Variants in HCN1 observed in about 807,000 individuals in gnomAD.
HCN1 encodes the protein potassium/sodium hyperpolarization-activated cyclic nucleotide-gated channel 1.
A neutral mutation model predicts 78.9 loss-of-function variants in HCN1; 13 were observed. The observed-to-expected ratio is 0.16, with a 90% CI of 0.11 to 0.26. The LOEUF (loss-of-function observed/expected upper bound fraction) is 0.26. HCN1 is among the 10% of genes least tolerant of loss of function. The pLI is 1.00. For missense variants in HCN1, 810 were observed against 1,154.3 expected (o/e 0.70, Z 4.32); for synonymous variants, 552 against 455.5 (o/e 1.21, Z -2.70).
chr5:45,371,846 A>AAT (rs1358531681), intron 4 of HCN1, among the ~76,000 whole-genome samples: 1 of 128,632 alleles, frequency 7.8e-6, no homozygotes, highest in African/African-American at 2.9e-5. Context: ...TTATATATAA[A>AAT]ATATATATAA....
intron 5 of HCN1, among the ~76,000 whole-genome samples, chr5:45,315,005 C>T (rs754799850): frequency 3.9e-5 from 6 of 152,194 alleles, no homozygotes; most frequent in Middle Eastern, 3.4e-3. Flanking sequence ...GACAGATCAA[C>T]GAGACAGAAA....
chr5:45,255,006 G>A lies in HCN1; in HGVS notation c.*6915C>T, dbSNP rs1397941206. 3 of 152,220 alleles carry A rather than the reference G, an allele frequency of 2.0e-5. No individual in the cohort carries two copies. The highest frequency in any genetic ancestry group is 7.2e-5 in the African/African-American group (3 of 41,468). The allele number at this position is 152,220 out of a possible 1,614,324, so 9.4% of individuals were successfully genotyped here. A position where few individuals can be genotyped will look rare whatever the true frequency, so the allele number is the denominator to read the frequency against. On this transcript the variant is annotated 3_prime_UTR_variant, in exon 8 of 8. Coordinates refer to ENST00000303230, the MANE Select transcript of HCN1 (RefSeq NM_021072.4). ...ATGTATTATTGATAGCATTAAAAAT[G>A]TTACAGAAGGCAATGGACACATTGT...
In HCN1 at chr5:45,398,319, C is replaced by T. The variant is rs141907303; in HGVS notation, c.1012-1609G>A. Among the ~76,000 whole-genome samples the T allele has an allele frequency of 3.2e-4, 48 of 152,194 alleles. 1 individual carries two copies. In the East Asian group the frequency reaches 7.1e-3, roughly 23 times the overall value. On this transcript the variant is annotated intron_variant, in intron 3 of 7. Transcript: ENST00000303230. ...AGAGAGATTCTATGTACTCTTCACT[C>T]AGCTTCCCCAGAGGTAACATGCTGC... is the stretch of plus-strand genomic sequence containing the variant.
At chr5:45,393,687 C>T (rs1221436444) in intron 4 of HCN1, among the ~76,000 whole-genome samples, 1 of 152,090 alleles carries the variant, frequency 6.6e-6, no homozygotes, top group Non-Finnish European at 1.5e-5. Flanking sequence ...CTTATTTGAC[C>T]AGGGCATTGT....
chr5:45,534,404 CAAAAAAAAAAAAAAAAAAAAAAAAAA>C (rs71000637), intron 2 of HCN1, among the ~76,000 whole-genome samples: 3 of 29,298 alleles, frequency 1.0e-4, no homozygotes, highest in African/African-American at 3.4e-4. Flanking sequence ...GACTGCATCT[CAAAAAAAAAAAAAAAAAAAAAAAAAA>C]AAAAAAAAAA....
At chr5:45,693,245 T>G (rs1365557397) in intron 1 of HCN1, among the ~76,000 whole-genome samples, 1 of 152,226 alleles carries the variant, frequency 6.6e-6, no homozygotes, top group Non-Finnish European at 1.5e-5. Context: ...ATATTGGTTT[T>G]GAGATCATAC....
intron 2 of HCN1, among the ~76,000 whole-genome samples, chr5:45,505,148 T>A (rs545613729): frequency 6.6e-6 from 1 of 152,190 alleles, no homozygotes; most frequent in African/African-American, 2.4e-5. Flanking sequence ...GCCATTGCTT[T>A]TGGTGTTTTA....
At chr5:45,642,239 A>G (rs1252144073) in intron 2 of HCN1, 1 of 152,118 alleles carries the variant, frequency 6.6e-6, no homozygotes, top group Non-Finnish European at 1.5e-5. Context: ...TGGTTCATGA[A>G]AACAACTTCC....
chr5:45,288,237 A>T (rs1745306184), intron 6 of HCN1, among the ~76,000 whole-genome samples: 1 of 152,072 alleles, frequency 6.6e-6, no homozygotes, highest in African/African-American at 2.4e-5. Flanking sequence ...CGGAGCATGA[A>T]TCATCACAAA....
chr5:45,580,060 C>A (rs1379674201), intron 2 of HCN1, among the ~76,000 whole-genome samples: 2 of 152,168 alleles, frequency 1.3e-5, no homozygotes, highest in East Asian at 3.9e-4. Context: ...CCGCTGAGAC[C>A]TTCAAGGATT....
intron 6 of HCN1, among the ~76,000 whole-genome samples, chr5:45,288,671 TAGAA>T (rs1205631744): frequency 1.3e-5 from 2 of 152,040 alleles, no homozygotes; most frequent in Non-Finnish European, 2.9e-5. Context: ...TGCAATATTA[TAGAA>T]AGAAAGAATC....
intron 5 of HCN1, among the ~76,000 whole-genome samples, chr5:45,340,328 A>G (rs1746550480): frequency 1.3e-5 from 2 of 152,192 alleles, no homozygotes; most frequent in Non-Finnish European, 2.9e-5. Context: ...ATTTAAGGGT[A>G]CACATTACTA....
intron 3 of HCN1, among the ~76,000 whole-genome samples, chr5:45,419,518 G>A (rs944042572): frequency 3.9e-5 from 6 of 152,138 alleles, no homozygotes; most frequent in African/African-American, 1.4e-4. Context: ...ACCTAAGAAT[G>A]AGCCATTGTA....
At chr5:45,521,554 T>C (rs1300112402) in intron 2 of HCN1, among the ~76,000 whole-genome samples, 1 of 151,962 alleles carries the variant, frequency 6.6e-6, no homozygotes, top group Non-Finnish European at 1.5e-5. Context: ...TTCATCTGTG[T>C]CTTTGTGTCC....
intron 1 of HCN1, among the ~76,000 whole-genome samples, chr5:45,691,044 A>G (rs908201902): frequency 2.8e-4 from 42 of 152,266 alleles, no homozygotes; most frequent in Admixed American, 2.3e-3. Flanking sequence ...TGAGTATAAT[A>G]ATGCAGAATT....
chr5:45,494,469 T>A (rs1456194140), intron 2 of HCN1, among the ~76,000 whole-genome samples: 1 of 151,910 alleles, frequency 6.6e-6, no homozygotes, highest in Admixed American at 6.6e-5. Flanking sequence ...CTTGTAAATT[T>A]GTTTGAGTTC....
At chr5:45,674,150 T>G (rs1025773942) in intron 1 of HCN1, among the ~76,000 whole-genome samples, 14 of 151,280 alleles carry the variant, frequency 9.3e-5, no homozygotes, top group Admixed American at 6.6e-5. Flanking sequence ...TGTATATATA[T>G]AGATATATAG....
At chr5:45,485,561 G>GTGTT (rs1741739614) in intron 2 of HCN1, among the ~76,000 whole-genome samples, 1 of 152,070 alleles carries the variant, frequency 6.6e-6, no homozygotes, top group African/African-American at 2.4e-5. Flanking sequence ...CACTTACGCA[G>GTGTT]AAGGGAAATA....
At chr5:45,381,698 TC>T (rs1322897830) in intron 4 of HCN1, among the ~76,000 whole-genome samples, 1 of 151,986 alleles carries the variant, frequency 6.6e-6, no homozygotes, top group Admixed American at 6.6e-5. Context: ...CCTGCATAAA[TC>T]CCAGACCTTC....
Sources: gnomAD v4.1 joint callset for allele counts (sites outside exome capture counted in the v4.1 genomes callset) on GRCh38, gnomAD v4.1.1 for gene constraint, MANE v1.5 for transcripts, NCBI Gene and HGNC (gene_info 2026-07-23, HGNC 2026-07-21) for gene names.